The following BCAS1 variants were observed in gnomAD, a reference collection of about 807,000 sequenced individuals.
BCAS1 encodes the protein brain enriched myelin associated protein 1, also known as breast carcinoma-amplified sequence 1.
BCAS1 carries 46 observed loss-of-function variants against 65.4 expected under a neutral mutation model. That is an observed-to-expected ratio of 0.70 (90% CI 0.55 to 0.90). The LOEUF (loss-of-function observed/expected upper bound fraction) is 0.90, where lower values mean the gene tolerates loss of function less well. BCAS1 is among the 40% of genes least tolerant of loss of function. BCAS1 has a pLI of 0.00. For missense variants in BCAS1, 793 were observed against 771.2 expected, an observed-to-expected ratio of 1.03 and a Z score of -0.33; for synonymous variants, 298 against 293.5, an observed-to-expected ratio of 1.02 and a Z score of -0.16.
At chr20:53,994,177 A>G (rs1423826873) in intron 6 of BCAS1, among the ~76,000 whole-genome samples, 2 of 152,230 alleles carry the variant, frequency 1.3e-5, no homozygotes, top group African/African-American at 4.8e-5. Context: ...CAAGCCATGT[A>G]TCTGATCCCA....
chr20:53,996,461 T>TAA (rs143929524), intron 4 of BCAS1, among the ~76,000 whole-genome samples: 2,236 of 92,124 alleles, frequency 0.024, 19 homozygotes, highest in Middle Eastern at 0.034. Flanking sequence ...TTATATCAAC[T>TAA]AAAAAAAAAA....
At chr20:53,958,623 G>C (rs1391593700) in intron 10 of BCAS1, among the ~76,000 whole-genome samples, 8 of 152,192 alleles carry the variant, frequency 5.3e-5, no homozygotes. Flanking sequence ...GAGCTACGGT[G>C]TTCACATTAG....
In BCAS1 at chr20:54,026,861, C is replaced by T. The variant is rs141744998; in HGVS notation, c.723+1531G>A. 5.8e-3 allele frequency among the ~76,000 whole-genome samples: 879 copies of T among 152,346 alleles called. 11 individuals are homozygous for T. Among genetic ancestry groups the T allele is most frequent in the African/African-American group, 0.02 (819 of 41,578 alleles). ...CATCTGGCATCTCCCCCACACTCTG[C>T]TCCCCCAGCACAGCACTTGGCATCT... On this transcript the variant is annotated intron_variant, in intron 4 of 12. Coordinates refer to ENST00000688948, the MANE Select transcript of BCAS1 (RefSeq NM_001366298.2).
chr20:54,048,460 G>A (rs2092150377), intron 3 of BCAS1, among the ~76,000 whole-genome samples: 1 of 152,108 alleles, frequency 6.6e-6, no homozygotes, highest in African/African-American at 2.4e-5. Flanking sequence ...CCTACATGGT[G>A]GCAGAGGCTT....
intron 4 of BCAS1, among the ~76,000 whole-genome samples, chr20:54,003,199 G>A (rs1568865333): frequency 7.8e-6 from 1 of 128,500 alleles, no homozygotes; most frequent in Admixed American, 8.9e-5. Context: ...TAGTATAGAA[G>A]TGTCCAATAA....
chr20:53,952,600 C>T (rs1437838688), intron 12 of BCAS1, among the ~76,000 whole-genome samples: 1 of 152,212 alleles, frequency 6.6e-6, no homozygotes, highest in African/African-American at 2.4e-5. Context: ...AGTAAACAAA[C>T]CAAAACCTAC....
At chr20:54,035,277 G>A (rs1600945837) in intron 3 of BCAS1, among the ~76,000 whole-genome samples, 1 of 150,416 alleles carries the variant, frequency 6.6e-6, no homozygotes, top group East Asian at 1.9e-4. Context: ...GCAGGCGCCT[G>A]TAGTCCCAGC....
intron 3 of BCAS1, among the ~76,000 whole-genome samples, chr20:54,032,462 C>A (rs1411863456): frequency 6.6e-6 from 1 of 151,084 alleles, no homozygotes; most frequent in Admixed American, 6.6e-5. Context: ...GGTATCAAAT[C>A]GACACATAGC....
At chr20:54,028,043 C>A (rs369879261) in intron 4 of BCAS1, among the ~76,000 whole-genome samples, 1 of 152,210 alleles carries the variant, frequency 6.6e-6, no homozygotes, top group Non-Finnish European at 1.5e-5. Flanking sequence ...TTTTAGGAAT[C>A]ATTTTTATTC....
intron 4 of BCAS1, among the ~76,000 whole-genome samples, chr20:54,008,673 G>A (rs1367700534): frequency 6.6e-6 from 1 of 152,090 alleles, no homozygotes; most frequent in Non-Finnish European, 1.5e-5. Context: ...ATATGAAAAT[G>A]GTCAGATTTC....
At chr20:54,069,787 C>T (rs2092492528) in intron 1 of BCAS1, among the ~76,000 whole-genome samples, 1 of 152,226 alleles carries the variant, frequency 6.6e-6, no homozygotes, top group African/African-American at 2.4e-5. Flanking sequence ...GGGCACCCAG[C>T]CAGCCCAGGG....
At chr20:53,988,097 CGG>C (rs2090660997) in intron 7 of BCAS1, among the ~76,000 whole-genome samples, 1 of 152,158 alleles carries the variant, frequency 6.6e-6, no homozygotes, top group African/African-American at 2.4e-5. Context: ...ATTAGAAGGG[CGG>C]CTCCATGGCC....
intron 4 of BCAS1, among the ~76,000 whole-genome samples, chr20:54,021,662 T>C (rs887908010): frequency 6.6e-6 from 1 of 151,740 alleles, no homozygotes; most frequent in Non-Finnish European, 1.5e-5. Context: ...TTCTCACTTA[T>C]AAGTGGGAGA....
chr20:54,031,588 C>A (rs2091801604), intron 3 of BCAS1, among the ~76,000 whole-genome samples: 1 of 151,112 alleles, frequency 6.6e-6, no homozygotes, highest in Admixed American at 6.6e-5. Flanking sequence ...AGTTGCAAAC[C>A]AATAGGAGGT....
At chr20:54,027,379 CAGAGT>C (rs1555874546) in intron 4 of BCAS1, among the ~76,000 whole-genome samples, 1 of 152,126 alleles carries the variant, frequency 6.6e-6, no homozygotes, top group Non-Finnish European at 1.5e-5. Context: ...GTACAGTGCT[CAGAGT>C]AGAGCCTGGC....
intron 3 of BCAS1, among the ~76,000 whole-genome samples, chr20:54,049,819 A>T (rs1183042664): frequency 1.3e-5 from 2 of 152,178 alleles, no homozygotes; most frequent in Non-Finnish European, 2.9e-5. Context: ...TTCCAGTTTT[A>T]CAGATGAGAC....
At position 53,953,709 on chromosome 20, in the gene BCAS1, A is replaced by G; in HGVS notation, c.1552-14T>C. On this transcript the variant is annotated splice_polypyrimidine_tract_variant and intron_variant, in intron 11 of 12. Transcript: ENST00000688948. ...GGAGTCTGATGTCTACAGCAATTTC[A>G]AACAAAGTACATTTTTAGTGGCTGC... The G allele has an allele frequency of 6.2e-7, 1 of 1,603,018 alleles. No homozygotes were observed. Among genetic ancestry groups the G allele is most frequent in the Non-Finnish European group, 8.5e-7 (1 of 1,172,994 alleles).
chr20:54,039,555 T>C (rs368228421), intron 3 of BCAS1, among the ~76,000 whole-genome samples: 9 of 151,506 alleles, frequency 5.9e-5, no homozygotes, highest in African/African-American at 2.2e-4. Flanking sequence ...CTCTTCTCTT[T>C]AATCATATAT....
At chr20:53,966,582 C>T (rs1194744761) in intron 10 of BCAS1, among the ~76,000 whole-genome samples, 3 of 152,160 alleles carry the variant, frequency 2.0e-5, no homozygotes, top group African/African-American at 2.4e-5. Flanking sequence ...CACTAAAGAA[C>T]TAATCCATGT....
Sources: gnomAD v4.1 joint callset for allele counts (sites outside exome capture counted in the v4.1 genomes callset) on GRCh38, gnomAD v4.1.1 for gene constraint, MANE v1.5 for transcripts, NCBI Gene and HGNC (gene_info 2026-07-23, HGNC 2026-07-21) for gene names.